The following PKD1 variants were observed in gnomAD, a reference collection of about 807,000 sequenced individuals.
The protein encoded by PKD1 is polycystin-1.
PKD1 carries 81 observed loss-of-function variants against 361.7 expected under a neutral mutation model. That is an observed-to-expected ratio of 0.22 (90% confidence interval 0.19 to 0.27). PKD1 has a LOEUF of 0.27. Among genes scored for constraint, PKD1 ranks in the 10% least tolerant of loss-of-function variants. PKD1 has a pLI of 1.00. For missense variants in PKD1, 6,399 were observed against 6,118.3 expected, an observed-to-expected ratio of 1.05 and a Z score of -1.53; for synonymous variants, 3,615 against 2,818.3, an observed-to-expected ratio of 1.28 and a Z score of -8.95.
intron 30 of PKD1, among the ~76,000 whole-genome samples, chr16:2,098,388 T>C (rs1467957787): frequency 6.7e-6 from 1 of 149,972 alleles, no homozygotes; most frequent in Non-Finnish European, 1.5e-5. Flanking sequence ...TTTTGTATTT[T>C]TAGTAGAGAC....
chr16:2,135,206 T>A (rs1329929464), intron 1 of PKD1: 18 of 981,974 alleles, frequency 1.8e-5, no homozygotes, highest in Non-Finnish European at 2.2e-5. Context: ...TCCTCCCAGC[T>A]GAGCGCGGCC....
chr16:2,109,733 G>A lies in PKD1; in HGVS notation c.5434C>T (p.Pro1812Ser), dbSNP rs752836971. The change falls in exon 15 of 46, where the codon CCC becomes TCC. Residue 1812 changes from proline (P) to serine (S), a missense_variant. Transcript: ENST00000262304. Reference sequence around the variant, plus strand: ...CCGGCCGCCACGAAGCTGCCTCCGGGCTCGCTGGCCCTGATGCTGAGGCCA... The same window carrying A: ...CCGGCCGCCACGAAGCTGCCTCCGGACTCGCTGGCCCTGATGCTGAGGCCA... Reference protein sequence around the residue: ...VSGLSIRASEPGGSFVAAGSS... With the variant: ...VSGLSIRASESGGSFVAAGSS... 2.5e-6 allele frequency: 4 copies of A among 1,607,922 alleles called. No individual in the cohort carries two copies. The African/African-American group carries it at 4.0e-5, about 16-fold the overall frequency.
intron 40 of PKD1, 58 bp downstream of exon 40, chr16:2,091,989 C>A (rs1373975496): frequency 1.2e-6 from 2 of 1,612,444 alleles, no homozygotes; most frequent in Non-Finnish European, 1.7e-6. Flanking sequence ...CCGCGGCACT[C>A]CTGGAGAACT....
rs1295248581 is a variant in PKD1 at position 2,118,223 on chromosome 16, G to C, written c.769C>G (p.Pro257Ala). The stretch of plus-strand genomic sequence containing the variant: ...AGGAGGGTGGGGCCCCTACAGGTGG[G>C]GGCAGGAGGTGGCGGGGGGCCGGAG... ...LCSGPPPPPA[P>A]TCRGPTLLQH... Residue 257 changes from proline to alanine, a missense_variant, in exon 5 of 46, where the codon CCC (proline) becomes GCC (alanine). Transcript: ENST00000262304. The surrounding 1 kb of genome is among the most constrained non-coding windows in gnomAD (Gnocchi z 6.0). The C allele has an allele frequency of 6.5e-7, 1 of 1,533,186 alleles. No homozygotes were observed. The highest frequency in any genetic ancestry group is 1.2e-5 in the South Asian group (1 of 84,414). 95.0% of individuals were successfully genotyped at this position (1,533,186 alleles called of 1,614,324 possible). A position where few individuals can be genotyped will look rare whatever the true frequency, so the allele number is the denominator to read the frequency against.
In PKD1 at chr16:2,103,167, G is replaced by A. The variant is rs1478300671; in HGVS notation, c.8791+99C>T. On this transcript the variant is annotated intron_variant, in intron 23 of 45. Transcript: ENST00000262304. ...CCCCCAGCAGCCCATGAAACAGAAA[G>A]CAAATTTCACCAGAGACACCCATGG... 22 of 1,404,912 alleles carry A rather than the reference G, an allele frequency of 1.6e-5. No individual in the cohort carries two copies. In the East Asian group the frequency reaches 5.4e-4, roughly 35 times the overall value. 87.0% of individuals were successfully genotyped at this position (1,404,912 alleles called of 1,614,324 possible).
At position 2,090,764 on chromosome 16, in the gene PKD1, G is replaced by T; in HGVS notation, c.12048C>A (p.Gly4016=). 1.2e-6 allele frequency: 2 copies of T among 1,612,648 alleles called. No homozygotes were observed. Among genetic ancestry groups the T allele is most frequent in the Non-Finnish European group, 1.7e-6 (2 of 1,179,952 alleles). ...CTGGCAGAGCTCGGCATAATGTCTT[G>T]CCAAAGACGGACCACTGGCGCACGA... is the stretch of plus-strand genomic sequence containing the variant. ...LRFVRQWSVF[G]KTLCRALPEL... The change falls in exon 44 of 46, where the codon GGC becomes GGA. Residue 4016 remains glycine, a synonymous_variant. Coordinates refer to ENST00000262304, the MANE Select transcript of PKD1 (RefSeq NM_001009944.3).
chr16:2,092,880 G>T, intron 38 of PKD1, 74 bp downstream of exon 38: 1 of 1,551,758 alleles, frequency 6.4e-7, no homozygotes, highest in Non-Finnish European at 8.9e-7. Context: ...ATGTCCACAT[G>T]TCCCCTAGGG....
rs2092200436 is a variant in PKD1 at position 2,103,682 on chromosome 16, C to T, written c.8375G>A (p.Ser2792Asn). The T allele has an allele frequency of 2.5e-6, 4 of 1,610,018 alleles. No individual in the cohort carries two copies. Among genetic ancestry groups the T allele is most frequent in the Non-Finnish European group, 2.5e-6 (3 of 1,179,572 alleles). The change falls in exon 23 of 46, where the codon AGC (serine) becomes AAC (asparagine). Residue 2792 changes from serine to asparagine, a missense_variant. By Grantham distance (46) the Ser-to-Asn change is conservative. Transcript: ENST00000262304. ...TGGGGCGCCGCCATAGCACAGCAGGCTCCGCGGGTCCGAGCGCTTGCCCTG... is the reference window on the plus strand; with the variant it reads ...TGGGGCGCCGCCATAGCACAGCAGGTTCCGCGGGTCCGAGCGCTTGCCCTG... ...VAQGKRSDPR[S>N]LLCYGGAPGP...
At chr16:2,131,175 A>C (rs373277542) in intron 1 of PKD1, among the ~76,000 whole-genome samples, 2 of 152,084 alleles carry the variant, frequency 1.3e-5, no homozygotes. Context: ...TTCTTCAACA[A>C]ATTGCACAAG....
chr16:2,107,910 G>C lies in PKD1; in HGVS notation c.7038C>G (p.Gly2346=). The C allele has an allele frequency of 6.5e-7, 1 of 1,545,174 alleles. No individual in the cohort carries two copies. The highest frequency in any genetic ancestry group is 8.7e-7 in the Non-Finnish European group (1 of 1,146,630). ...TCTGGTTGGTGGCCTCCTCCTTGCG[G>C]CCGGCCTTCCACACGGTCAGGCTGA... ...YTFSLTVWKA[G]RKEEATNQTV... Residue 2346 remains glycine, a synonymous_variant, in exon 16 of 46, where the codon GGC becomes GGG. Coordinates refer to ENST00000262304, the MANE Select transcript of PKD1 (RefSeq NM_001009944.3).
intron 8 of PKD1, 142 bp from the exon 9 acceptor site, chr16:2,116,260 A>T (rs1436080490): frequency 5.7e-6 from 5 of 879,906 alleles, no homozygotes; most frequent in Non-Finnish European, 3.6e-6. Flanking sequence ...CTGTCGCTCG[A>T]GAGGAAGACT....
chr16:2,110,116 G>C lies in PKD1; in HGVS notation c.5051C>G (p.Ser1684Trp). 1 of 1,609,580 alleles carries C rather than the reference G, an allele frequency of 6.2e-7. No homozygotes were observed. Among genetic ancestry groups the C allele is most frequent in the Non-Finnish European group, 8.5e-7 (1 of 1,179,354 alleles). The change falls in exon 15 of 46, where the codon TCG (serine) becomes TGG (tryptophan). Residue 1684 changes from serine to tryptophan, a missense_variant. Ser to Trp is a radical substitution (Grantham distance 177, BLOSUM62 -3). Coordinates refer to ENST00000262304, the MANE Select transcript of PKD1 (RefSeq NM_001009944.3). ...PALAGSGKGF[S>W]LTVLEAGTYH... ...GGTGCCGGCCTCGAGCACGGTGAGC[G>C]AGAAGCCTTTGCCGCTGCCGGCCAG...
chr16:2,115,879 C>A, intron 9 of PKD1, 113 bp downstream of exon 9: 7 of 1,270,144 alleles, frequency 5.5e-6, no homozygotes, highest in Non-Finnish European at 6.7e-6. Context: ...CTCTGTCCAC[C>A]TAAGACTGGG....
At position 2,109,161 on chromosome 16, in the gene PKD1, G is replaced by A. The variant is rs774494123; in HGVS notation, c.6006C>T (p.Val2002=). 60 of 1,600,852 alleles carry A rather than the reference G, an allele frequency of 3.7e-5. No homozygotes were observed. The highest frequency in any genetic ancestry group is 3.9e-5 in the Non-Finnish European group (46 of 1,173,450). Residue 2002 remains valine, a synonymous_variant, in exon 15 of 46, where the codon GTC becomes GTT. Transcript: ENST00000262304. Reference sequence around the variant, plus strand: ...GCAGCGAGAAGTACCAGGCGTAGGCGACCCGAGAGCCGCGCTGCACGCGGG... The same window carrying A: ...GCAGCGAGAAGTACCAGGCGTAGGCAACCCGAGAGCCGCGCTGCACGCGGG... ...FTARVQRGSR[V]AYAWYFSLQK... is the part of the protein sequence containing the mutation.
chr16:2,132,260 A>T (rs898520567), intron 1 of PKD1, among the ~76,000 whole-genome samples: 4 of 151,304 alleles, frequency 2.6e-5, no homozygotes, highest in East Asian at 1.9e-4. Context: ...CAAAAAAAAA[A>T]AAAAAGTATA....
chr16:2,091,498 G>T lies in PKD1; in HGVS notation c.11637C>A (p.Ala3879=). Residue 3879 remains alanine (A), a synonymous_variant, in exon 42 of 46, where the codon GCC becomes GCA. Coordinates refer to ENST00000262304, the MANE Select transcript of PKD1 (RefSeq NM_001009944.3). The part of the protein sequence containing the change: ...LRLEFPAAGR[A]LAALSVRPFA... ...AGGGGCGGACGCTGAGGGCGGCCAGGGCGCGGCCGGCCGCCGGGAACTCGA... is the reference window on the plus strand; with the variant it reads ...AGGGGCGGACGCTGAGGGCGGCCAGTGCGCGGCCGGCCGCCGGGAACTCGA... 7.0e-7 allele frequency: 1 copy of T among 1,419,898 alleles called. No individual in the cohort carries two copies. Among genetic ancestry groups the T allele is most frequent in the Admixed American group, 3.1e-5 (1 of 32,336 alleles). The allele number at this position is 1,419,898 out of a possible 1,614,324, so 88.0% of individuals were successfully genotyped here.
intron 38 of PKD1, 125 bp downstream of exon 38, chr16:2,092,829 G>A (rs1235111388): frequency 1.7e-6 from 2 of 1,199,348 alleles, no homozygotes; most frequent in Non-Finnish European, 1.2e-6. Context: ...GATGCCAGCA[G>A]CACCTACCTC....
chr16:2,108,621 C>G lies in PKD1; in HGVS notation c.6546G>C (p.Gln2182His). The change falls in exon 15 of 46, where the codon CAG becomes CAC. Residue 2182 changes from glutamine to histidine, a missense_variant. Gln to His is a conservative substitution (Grantham distance 24, BLOSUM62 0). Transcript: ENST00000262304. The stretch of plus-strand genomic sequence containing the variant: ...GATACACCTCCCAGCGGTACTCAGT[C>G]TGGTAGGTGACGCAGTCGCGCAGGT... ...HVDLRDCVTY[Q>H]TEYRWEVYRT... 6.4e-7 allele frequency: 1 copy of G among 1,559,988 alleles called. No individual in the cohort carries two copies. The highest frequency in any genetic ancestry group is 8.7e-7 in the Non-Finnish European group (1 of 1,152,888).
intron 1 of PKD1, among the ~76,000 whole-genome samples, chr16:2,120,817 G>C (rs1449547042): frequency 6.6e-6 from 1 of 152,180 alleles, no homozygotes; most frequent in Non-Finnish European, 1.5e-5. Flanking sequence ...AAGAGATCGA[G>C]ACCATCCTGG....
Sources: allele counts gnomAD v4.1 joint callset (sites outside exome capture counted in the v4.1 genomes callset), GRCh38; gene constraint gnomAD v4.1.1; non-coding constraint Gnocchi (gnomAD v3.1); transcripts MANE v1.5; gene names NCBI Gene and HGNC (gene_info 2026-07-23, HGNC 2026-07-21).